ZFP36L1: variants seen among roughly 807,000 people sequenced by gnomAD.
ZFP36L1 encodes the protein ZFP36 like 1 zinc finger CCCH-type.
A neutral mutation model predicts 16.7 loss-of-function variants in ZFP36L1; 4 were observed. The ratio of observed to expected loss-of-function variants is 0.24; its 90% CI spans 0.12 to 0.55. ZFP36L1 has a LOEUF of 0.55. Among genes scored for constraint, ZFP36L1 ranks in the 20% least tolerant of loss-of-function variants. The pLI, the probability that ZFP36L1 is intolerant of heterozygous loss-of-function variation, is 0.94. For synonymous variants in ZFP36L1, 220 were observed against 190.8 expected (o/e 1.15, Z -1.26); for missense variants, 311 against 449.2 (o/e 0.69, Z 2.78).
intron 1 of ZFP36L1, among the ~76,000 whole-genome samples, chr14:68,792,564 T>C (rs1895119371): frequency 6.6e-6 from 1 of 152,140 alleles, no homozygotes; most frequent in Non-Finnish European, 1.5e-5. Flanking sequence ...GCACGTTACG[T>C]AAAACAGGAT....
upstream of ZFP36L1, chr14:68,794,111 G>T: frequency 4.5e-6 from 1 of 221,328 alleles, no homozygotes; most frequent in Non-Finnish European, 7.6e-6. Flanking sequence ...TTCCACGCGC[G>T]CTCCGAATTC....
intron 1 of ZFP36L1, chr14:68,791,320 G>A (rs947264386): frequency 6.0e-6 from 3 of 497,722 alleles, no homozygotes; most frequent in Non-Finnish European, 1.1e-5. Flanking sequence ...AGATGGAAAG[G>A]AAAAGGAAAG....
intron 1 of ZFP36L1, 122 bp from the exon 2 acceptor site, chr14:68,790,614 C>A: frequency 7.5e-7 from 1 of 1,342,244 alleles, no homozygotes; most frequent in South Asian, 1.3e-5. Context: ...TCTACCTCGG[C>A]TCTAGCAAGC....
chr14:68,793,860 A>G, upstream of ZFP36L1: 1 of 983,506 alleles, frequency 1.0e-6, no homozygotes, highest in Non-Finnish European at 1.2e-6. Flanking sequence ...AGCGCGGCAC[A>G]ATTTAGTGCG....
upstream of ZFP36L1, chr14:68,793,236 G>T (rs1357990530): frequency 2.0e-6 from 2 of 991,894 alleles, no homozygotes; most frequent in African/African-American, 3.7e-5. Flanking sequence ...GGGAGGAGAA[G>T]AAACTTTCAA....
At chr14:68,793,210 G>A (rs1895154569), upstream of ZFP36L1, 6 of 1,144,648 alleles carry the variant, frequency 5.2e-6, no homozygotes, top group African/African-American at 3.2e-5. Context: ...GCGGTCAGGC[G>A]GGGAGGGGGG....
chr14:68,792,403 G>C (rs1895107977), intron 1 of ZFP36L1, among the ~76,000 whole-genome samples: 2 of 152,204 alleles, frequency 1.3e-5, no homozygotes, highest in Admixed American at 6.5e-5. Context: ...CATATCCCCA[G>C]CTCCCCCCAA....
In ZFP36L1 at chr14:68,789,474, A is replaced by T; in HGVS notation, c.*59T>A. ...ATGGGATGGGTAGGGAGAAGAGGGT[A>T]TGGGATGTGGGTGCAGGGTAGGGGC... On this transcript the variant is annotated 3_prime_UTR_variant, in exon 2 of 2. Transcript: ENST00000439696. The surrounding 1 kb of genome is among the most constrained non-coding windows in gnomAD (Gnocchi z 4.5). 4 of 1,607,166 alleles carry T rather than the reference A, an allele frequency of 2.5e-6. No individual in the cohort carries two copies. The highest frequency in any genetic ancestry group is 1.1e-5 in the South Asian group (1 of 90,332).
chr14:68,789,490 G>C lies in ZFP36L1; in HGVS notation c.*43C>G. On this transcript the variant is annotated 3_prime_UTR_variant, in exon 2 of 2. Transcript: ENST00000439696. This position sits in a 1 kb window ranked among gnomAD's most constrained non-coding sequence, Gnocchi z 4.5. ...GAAGAGGGTATGGGATGTGGGTGCA[G>C]GGTAGGGGCTGGAGTAGGCAGGAGG... 9 of 1,611,362 alleles carry C rather than the reference G, an allele frequency of 5.6e-6. No individual in the cohort carries two copies. Among genetic ancestry groups the C allele is most frequent in the Non-Finnish European group, 7.6e-6 (9 of 1,179,526 alleles).
At position 68,793,013 on chromosome 14, in the gene ZFP36L1, C is replaced by G; in HGVS notation, c.-75G>C. ...TCCCGGTGCGGGGAAGGCGCAGCCTCTCCTGTCTGGAGTCCCACACGCCAG... is the reference window on the plus strand; with the variant it reads ...TCCCGGTGCGGGGAAGGCGCAGCCTGTCCTGTCTGGAGTCCCACACGCCAG... On this transcript the variant is annotated 5_prime_UTR_variant, in exon 1 of 2. Coordinates refer to ENST00000439696, the MANE Select transcript of ZFP36L1 (RefSeq NM_004926.4). The G allele has an allele frequency of 6.2e-7, 1 of 1,607,750 alleles. No homozygotes were observed. The highest frequency in any genetic ancestry group is 8.5e-7 in the Non-Finnish European group (1 of 1,178,990).
intron 1 of ZFP36L1, among the ~76,000 whole-genome samples, chr14:68,792,186 C>T (rs1011117400): frequency 1.3e-5 from 2 of 151,538 alleles, no homozygotes; most frequent in Non-Finnish European, 2.9e-5. Context: ...TCGCCACCTC[C>T]CCCCCCAACC....
chr14:68,792,472 C>A (rs767581669), intron 1 of ZFP36L1, among the ~76,000 whole-genome samples: 4 of 152,272 alleles, frequency 2.6e-5, no homozygotes, highest in South Asian at 2.1e-4. Flanking sequence ...CCACTCCCAA[C>A]CCCACGGGTG....
chr14:68,792,963 G>T lies in ZFP36L1; in HGVS notation c.-25C>A. ...TCCTGTGCGTTCGCGCGAGCCAGGG[G>T]CGAGGATCTGGTGTGTCGCGAAGGT... On this transcript the variant is annotated 5_prime_UTR_variant, in exon 1 of 2. Coordinates refer to ENST00000439696, the MANE Select transcript of ZFP36L1 (RefSeq NM_004926.4). 6.2e-7 allele frequency: 1 copy of T among 1,613,430 alleles called. No homozygotes were observed.
Position 68,789,629 on chromosome 14 carries a change from G to A in ZFP36L1, c.921C>T (p.Ser307=). ...DSLSDQEGYL[S]SSSSSHSGSD... Reference sequence around the variant, plus strand: ...AGCCACTGTGGCTGCTGCTGGAGCTGCTCAGGTAGCCCTCCTGGTCCGAGA... The same window carrying A: ...AGCCACTGTGGCTGCTGCTGGAGCTACTCAGGTAGCCCTCCTGGTCCGAGA... Residue 307 remains serine, a synonymous_variant, in exon 2 of 2, where the codon AGC becomes AGT. Transcript: ENST00000439696. The surrounding 1 kb of genome is among the most constrained non-coding windows in gnomAD (Gnocchi z 4.5). The A allele has an allele frequency of 6.2e-7, 1 of 1,613,616 alleles. No homozygotes were observed. The highest frequency in any genetic ancestry group is 8.5e-7 in the Non-Finnish European group (1 of 1,179,708).
chr14:68,793,421 G>A (rs1895164596), upstream of ZFP36L1: 1 of 998,676 alleles, frequency 1.0e-6, no homozygotes, highest in African/African-American at 1.7e-5. Flanking sequence ...CAGAGCGGGA[G>A]GGGCGCGCCC....
rs1895011890 is a variant in ZFP36L1 at position 68,789,673 on chromosome 14, G to C, written c.877C>G (p.Pro293Ala). 3 of 1,614,050 alleles carry C rather than the reference G, an allele frequency of 1.9e-6. No homozygotes were observed. The highest frequency in any genetic ancestry group is 1.1e-5 in the South Asian group (1 of 91,082). The change falls in exon 2 of 2, where the codon CCC becomes GCC. Residue 293 changes from proline (P) to alanine (A), a missense_variant. Pro to Ala is a conservative substitution (Grantham distance 27, BLOSUM62 -1). Around this residue, in one of 4 missense-constraint regions of ZFP36L1, gnomAD observed 147 missense variants for 192.0 expected, o/e 0.77. Transcript: ENST00000439696. This position sits in a 1 kb window ranked among gnomAD's most constrained non-coding sequence, Gnocchi z 4.5. ...SESPHMFDSP[P>A]SPQDSLSDQE... ...TCCGAGAGAGAATCCTGAGGGCTGG[G>C]GGGAGAGTCAAACATGTGAGGGGAC...
At chr14:68,795,318 A>ACC (rs1031840970), upstream of ZFP36L1, among the ~76,000 whole-genome samples, 1 of 47,690 alleles carries the variant, frequency 2.1e-5, no homozygotes, top group South Asian at 8.7e-4. Context: ...CCCACCCCCC[A>ACC]CCCCCCCCAA....
intron 1 of ZFP36L1, chr14:68,790,968 C>A (rs1440288523): frequency 4.4e-6 from 3 of 682,530 alleles, no homozygotes; most frequent in South Asian, 1.6e-5. Flanking sequence ...TAATTGATAC[C>A]CCCTCCTTCA....
At chr14:68,792,554 G>C (rs1208748518) in intron 1 of ZFP36L1, among the ~76,000 whole-genome samples, 7 of 152,230 alleles carry the variant, frequency 4.6e-5, no homozygotes, top group East Asian at 3.9e-4. Context: ...GGATCCAGCA[G>C]CACGTTACGT....
Sources: gnomAD v4.1 joint callset for allele counts (sites outside exome capture counted in the v4.1 genomes callset) on GRCh38, gnomAD v4.1.1 for gene constraint, gnomAD v4.1.1 regional missense constraint, Gnocchi (gnomAD v3.1) non-coding constraint, MANE v1.5 for transcripts, NCBI Gene and HGNC (gene_info 2026-07-23, HGNC 2026-07-21) for gene names.